Variants in TAFA1 observed in about 807,000 individuals in gnomAD.
TAFA1 encodes chemokine-like protein TAFA-1.
TAFA1 carries 4 observed loss-of-function variants against 18.5 expected under a neutral mutation model. The observed-to-expected ratio is 0.22, with a 90% CI of 0.11 to 0.49. The LOEUF (loss-of-function observed/expected upper bound fraction) is 0.49. Ranked by LOEUF, TAFA1 falls within the 20% of genes least tolerant of loss-of-function variation. The pLI is 0.98. For missense variants in TAFA1, 147 were observed against 169.0 expected (o/e 0.87, Z 0.72); for synonymous variants, 56 against 55.2 (o/e 1.01, Z -0.06).
At chr3:68,284,558 A>T (rs1279494691) in intron 2 of TAFA1, among the ~76,000 whole-genome samples, 1 of 152,174 alleles carries the variant, frequency 6.6e-6, no homozygotes, top group East Asian at 1.9e-4. Flanking sequence ...ATTGGAAACT[A>T]CCTAAGTGTC....
At chr3:68,251,172 G>A (rs967859810) in intron 2 of TAFA1, among the ~76,000 whole-genome samples, 4 of 152,002 alleles carry the variant, frequency 2.6e-5, no homozygotes, top group African/African-American at 9.7e-5. Flanking sequence ...TCAAGAACTC[G>A]GACAACAGAC....
chr3:68,104,487 G>C, intron 2 of TAFA1, among the ~76,000 whole-genome samples: 2 of 151,792 alleles, frequency 1.3e-5, no homozygotes, highest in South Asian at 4.2e-4. Context: ...TATATAGTCT[G>C]CTTTAAATGG....
chr3:68,466,527 T>C (rs2071887717), intron 3 of TAFA1, among the ~76,000 whole-genome samples: 1 of 152,142 alleles, frequency 6.6e-6, no homozygotes, highest in Non-Finnish European at 1.5e-5. Context: ...CCAAAGCCCA[T>C]ACCCCTTGAA....
intron 2 of TAFA1, among the ~76,000 whole-genome samples, chr3:68,282,627 T>C (rs1255420598): frequency 1.3e-5 from 2 of 152,194 alleles, no homozygotes; most frequent in Non-Finnish European, 2.9e-5. Flanking sequence ...GGGAGTGTGT[T>C]CTGCTCCTTG....
chr3:68,074,165 G>A (rs2064795225), intron 2 of TAFA1, among the ~76,000 whole-genome samples: 1 of 152,114 alleles, frequency 6.6e-6, no homozygotes, highest in Non-Finnish European at 1.5e-5. Context: ...GTTCACAATA[G>A]AGTTCTTGCT....
intron 2 of TAFA1, among the ~76,000 whole-genome samples, chr3:68,010,404 G>A (rs1364389613): frequency 6.6e-6 from 1 of 152,190 alleles, no homozygotes; most frequent in Non-Finnish European, 1.5e-5. Context: ...GATGGCACCA[G>A]CCAGCCAGGG....
intron 2 of TAFA1, among the ~76,000 whole-genome samples, chr3:68,356,205 T>C (rs1448728132): frequency 1.3e-5 from 2 of 151,842 alleles, no homozygotes; most frequent in African/African-American, 4.8e-5. Flanking sequence ...AAAAACAATT[T>C]GATATACTGG....
At chr3:68,370,515 T>TAC (rs2069683739) in intron 2 of TAFA1, among the ~76,000 whole-genome samples, 27 of 104,134 alleles carry the variant, frequency 2.6e-4, no homozygotes, top group Non-Finnish European at 4.8e-4. Context: ...TATATATATA[T>TAC]ACCCACATAT....
chr3:68,409,234 G>A (rs71312503), intron 2 of TAFA1, among the ~76,000 whole-genome samples: 2,901 of 152,060 alleles, frequency 0.019, 42 homozygotes, highest in South Asian at 0.037. Flanking sequence ...CTTCTTTCCC[G>A]GAAAGTCTGC....
chr3:68,178,186 C>T (rs892983270), intron 2 of TAFA1, among the ~76,000 whole-genome samples: 1 of 152,050 alleles, frequency 6.6e-6, no homozygotes, highest in African/African-American at 2.4e-5. Flanking sequence ...AAGCACCATA[C>T]CTGGTATATG....
intron 2 of TAFA1, among the ~76,000 whole-genome samples, chr3:68,279,659 A>G (rs2067862935): frequency 6.6e-6 from 1 of 152,142 alleles, no homozygotes; most frequent in African/African-American, 2.4e-5. Context: ...CTCAAGAGGA[A>G]ATTTCCCATT....
intron 2 of TAFA1, among the ~76,000 whole-genome samples, chr3:68,016,627 C>T (rs1704576317): frequency 6.6e-6 from 1 of 152,136 alleles, no homozygotes; most frequent in Non-Finnish European, 1.5e-5. Flanking sequence ...TGTGTAAGTA[C>T]ACTCTGATGT....
intron 3 of TAFA1, among the ~76,000 whole-genome samples, chr3:68,536,749 A>G (rs1357419174): frequency 6.6e-6 from 1 of 152,304 alleles, no homozygotes; most frequent in East Asian, 1.9e-4. Context: ...TATTTAGTAC[A>G]TACACTAAAT....
chr3:68,060,563 T>G (rs2064590404), intron 2 of TAFA1, among the ~76,000 whole-genome samples: 1 of 152,110 alleles, frequency 6.6e-6, no homozygotes, highest in African/African-American at 2.4e-5. Context: ...AATGAGATGG[T>G]GGGTCCTTCT....
intron 2 of TAFA1, among the ~76,000 whole-genome samples, chr3:68,372,496 A>C (rs528744599): frequency 1.3e-5 from 2 of 152,306 alleles, no homozygotes; most frequent in South Asian, 2.1e-4. Context: ...GGGTTTGAAG[A>C]TGGACTACCA....
intron 2 of TAFA1, among the ~76,000 whole-genome samples, chr3:68,253,358 T>A (rs1054703653): frequency 2.0e-5 from 3 of 152,214 alleles, no homozygotes; most frequent in African/African-American, 7.2e-5. Context: ...GCTTCCCAGA[T>A]GGTTTTCCCA....
chr3:68,184,465 GT>G (rs1199715679), intron 2 of TAFA1, among the ~76,000 whole-genome samples: 3 of 152,098 alleles, frequency 2.0e-5, no homozygotes, highest in African/African-American at 7.2e-5. Context: ...GTGTGCATGT[GT>G]GTGTGTGAAA....
intron 2 of TAFA1, chr3:68,145,380 C>G: frequency 1.2e-6 from 1 of 829,440 alleles, no homozygotes; most frequent in Admixed American, 1.7e-5. Context: ...CAAGCATATA[C>G]TTCAATCATC....
intron 2 of TAFA1, among the ~76,000 whole-genome samples, chr3:68,276,069 G>C (rs2067790226): frequency 6.6e-6 from 1 of 151,618 alleles, no homozygotes; most frequent in South Asian, 2.1e-4. Flanking sequence ...TACCCTGACT[G>C]TATATCTACT....
Sources: gnomAD v4.1 joint callset for allele counts (sites outside exome capture counted in the v4.1 genomes callset) on GRCh38, gnomAD v4.1.1 for gene constraint, MANE v1.5 for transcripts, NCBI Gene and HGNC (gene_info 2026-07-23, HGNC 2026-07-21) for gene names.